Variants in TIGD5 observed in about 807,000 individuals in gnomAD.
TIGD5 encodes tigger transposable element-derived protein 5.
TIGD5 carries 24 observed loss-of-function variants against 28.8 expected under a neutral mutation model. That is an observed-to-expected ratio of 0.83 (90% CI 0.60 to 1.17). TIGD5 has a LOEUF of 1.17. Among genes scored for constraint, TIGD5 ranks in the 50% most tolerant of loss-of-function variants. The pLI is 0.00. For missense variants in TIGD5, 922 were observed against 911.4 expected (o/e 1.01, Z -0.15); for synonymous variants, 538 against 430.5 (o/e 1.25, Z -3.09).
chr8:143,598,066 GC>G lies in TIGD5; in HGVS notation c.165del (p.Tyr56ThrfsTer220). ...GGCCGTGAAGATGGCCTTCCGCAAG[GC>G]CTACTCCATCAAGGACAAGCTGCAG... ...RVAVKMAFRK[A>X]YSIKDKLQAI... is the part of the protein sequence containing the mutation. On this transcript the variant is annotated frameshift_variant, in exon 1 of 1. Coordinates refer to ENST00000504548, the MANE Select transcript of TIGD5 (RefSeq NM_032862.5). LOFTEE classifies it high-confidence loss of function. The surrounding 1 kb of genome is among the most constrained non-coding windows in gnomAD (Gnocchi z 6.6). 1 of 1,493,398 alleles carries G rather than the reference GC, an allele frequency of 6.7e-7. No homozygotes were observed. The allele number at this position is 1,493,398 out of a possible 1,614,324, so 92.5% of individuals were successfully genotyped here. A position where few individuals can be genotyped will look rare whatever the true frequency, so the allele number is the denominator to read the frequency against.
rs73379054 is a variant in TIGD5, at chr8:143,599,858, C to T, written c.*26C>T. Reference sequence around the variant, plus strand: ...CCAGGCCAGCCCAGTGACCTTTCTCCTGCTGCACTTGGAGGGAGGGGACAT... The same window carrying T: ...CCAGGCCAGCCCAGTGACCTTTCTCTTGCTGCACTTGGAGGGAGGGGACAT... On this transcript the variant is annotated 3_prime_UTR_variant, in exon 1 of 1. Coordinates refer to ENST00000504548, the MANE Select transcript of TIGD5 (RefSeq NM_032862.5). The T allele has an allele frequency of 5.0e-3, 7,230 of 1,447,476 alleles. 282 individuals carry two copies. In the African/African-American group the frequency reaches 0.089, roughly 18 times the overall value. The allele number at this position is 1,447,476 out of a possible 1,614,324, so 89.7% of individuals were successfully genotyped here.
rs1353762516 is a variant in TIGD5 at position 143,598,567 on chromosome 8, G to GCCCCGCCGC, written c.670_678dup (p.Pro224_Pro226dup). On this transcript the variant is annotated inframe_insertion, in exon 1 of 1. Coordinates refer to ENST00000504548, the MANE Select transcript of TIGD5 (RefSeq NM_032862.5). The surrounding 1 kb of genome is among the most constrained non-coding windows in gnomAD (Gnocchi z 6.6). ...CGGCCCCCTGCCCGACCGCGCCCCG[G>GCCCCGCCGC]CCCCGCCGCCCCCGGCCGAGGGCGG... 18 of 1,324,400 alleles carry GCCCCGCCGC rather than the reference G, an allele frequency of 1.4e-5. No homozygotes were observed. Among genetic ancestry groups the GCCCCGCCGC allele is most frequent in the Non-Finnish European group, 1.5e-5 (16 of 1,044,896 alleles). 82.0% of individuals were successfully genotyped at this position (1,324,400 alleles called of 1,614,324 possible). A position where few individuals can be genotyped will look rare whatever the true frequency, so the allele number is the denominator to read the frequency against.
chr8:143,601,558 C>A lies in TIGD5; in HGVS notation c.*1726C>A, dbSNP rs1185242056. ...TGCCAGTGAGGGCTGCATAGCCAGG[C>A]CTTGTCTGTAGTCTGGGCGGCCCGT... On this transcript the variant is annotated 3_prime_UTR_variant, in exon 1 of 1. Transcript: ENST00000504548. 1 of 152,328 alleles carries A rather than the reference C, an allele frequency of 6.6e-6. No individual in the cohort carries two copies. The highest frequency in any genetic ancestry group is 2.4e-5 in the African/African-American group (1 of 41,482). The allele number at this position is 152,328 out of a possible 1,614,324, so 9.4% of individuals were successfully genotyped here.
rs1245883980 is a variant in TIGD5 at position 143,598,310 on chromosome 8, G to T, written c.407G>T (p.Arg136Leu). The change falls in exon 1 of 1, where the codon CGC becomes CTC. Residue 136 changes from arginine to leucine, a missense_variant. By Grantham distance (102) the Arg-to-Leu change is moderately radical. Transcript: ENST00000504548. The surrounding 1 kb of genome is among the most constrained non-coding windows in gnomAD (Gnocchi z 6.6). ...GTGTACGCCTGGTTCCTGGCGCTGC[G>T]CCAGCACGGGGTGCCGCTGTCTGGC... The part of the protein sequence containing the change: ...RAVYAWFLAL[R>L]QHGVPLSGPL... 14 of 1,608,684 alleles carry T rather than the reference G, an allele frequency of 8.7e-6. No individual in the cohort carries two copies. Among genetic ancestry groups the T allele is most frequent in the Non-Finnish European group, 1.2e-5 (14 of 1,178,486 alleles).
Position 143,602,094 on chromosome 8 carries a change from TCA to T in TIGD5, c.*2263_*2264del. 4.4e-5 allele frequency: 1 copy of T among 22,864 alleles called. No homozygotes were observed. Among genetic ancestry groups the T allele is most frequent in the African/African-American group, 9.3e-5 (1 of 10,796 alleles). 1.4% of individuals were successfully genotyped at this position (22,864 alleles called of 1,614,324 possible). ...CTGCGCGACAGAGCGAGACTCTGTC[TCA>T]AAAAAAAAAAAAAAAAAGTGCAGGT... is the stretch of plus-strand genomic sequence containing the variant. On this transcript the variant is annotated 3_prime_UTR_variant, in exon 1 of 1. Transcript: ENST00000504548.
In TIGD5 at chr8:143,598,691, CG is replaced by C; in HGVS notation, c.794del (p.Gly265AlafsTer11). On this transcript the variant is annotated frameshift_variant, in exon 1 of 1. Transcript: ENST00000504548. LOFTEE classifies it high-confidence loss of function. The surrounding 1 kb of genome is among the most constrained non-coding windows in gnomAD (Gnocchi z 6.6). ...CCCCCGGGCGCAGGGGACCCCGGGG[CG>C]GGGGGCTGTGGCCGGCGCTGGCGGG... Reference protein sequence around the residue: ...AAPPGAGDPGAGGCGRRWRGD... With the variant: ...AAPPGAGDPGXGGCGRRWRGD... 2.7e-6 allele frequency: 4 copies of C among 1,500,500 alleles called. No homozygotes were observed. Among genetic ancestry groups the C allele is most frequent in the Admixed American group, 4.6e-5 (2 of 43,552 alleles). The allele number at this position is 1,500,500 out of a possible 1,614,324, so 92.9% of individuals were successfully genotyped here.
Position 143,598,608 on chromosome 8 carries a change from G to A in TIGD5, c.705G>A (p.Gln235=). 6.9e-7 allele frequency: 1 copy of A among 1,449,204 alleles called. No individual in the cohort carries two copies. 89.8% of individuals were successfully genotyped at this position (1,449,204 alleles called of 1,614,324 possible). A position where few individuals can be genotyped will look rare whatever the true frequency, so the allele number is the denominator to read the frequency against. The change falls in exon 1 of 1, where the codon CAG becomes CAA. Residue 235 remains glutamine (Q), a synonymous_variant. Transcript: ENST00000504548. The surrounding 1 kb of genome is among the most constrained non-coding windows in gnomAD (Gnocchi z 6.6). The stretch of plus-strand genomic sequence containing the variant: ...CCGAGGGCGGCTACGGGGACGAGCA[G>A]ATTTACAGCGCCAGCGTCACCGGCC... ...PPAEGGYGDE[Q]IYSASVTGLY... is the part of the protein sequence containing the mutation.
rs1296636002 is a variant in TIGD5 at position 143,599,396 on chromosome 8, C to T, written c.1493C>T (p.Ala498Val). The T allele has an allele frequency of 1.3e-6, 2 of 1,566,774 alleles. No homozygotes were observed. Among genetic ancestry groups the T allele is most frequent in the Non-Finnish European group, 8.6e-7 (1 of 1,156,834 alleles). ...RPGEDSAGQPAQAEEAAEHSR... is the reference protein window; with the variant it reads ...RPGEDSAGQPVQAEEAAEHSR... ...GGCGAGGACAGTGCTGGGCAGCCGG[C>T]CCAGGCCGAGGAAGCCGCCGAGCAC... Residue 498 changes from alanine to valine, a missense_variant, in exon 1 of 1, where the codon GCC becomes GTC. By Grantham distance (64) the Ala-to-Val change is moderately conservative (BLOSUM62 0). This residue lies in a region of TIGD5 where 821 missense variants were observed against 815.2 expected (regional missense o/e 1.01). Coordinates refer to ENST00000504548, the MANE Select transcript of TIGD5 (RefSeq NM_032862.5).
At position 143,598,783 on chromosome 8, in the gene TIGD5, A is replaced by G. The variant is rs1829168410; in HGVS notation, c.880A>G (p.Ile294Val). 6.3e-7 allele frequency: 1 copy of G among 1,597,460 alleles called. No homozygotes were observed. The highest frequency in any genetic ancestry group is 8.5e-7 in the Non-Finnish European group (1 of 1,178,330). Residue 294 changes from isoleucine (I) to valine (V), a missense_variant, in exon 1 of 1, where the codon ATC becomes GTC. This residue lies in a region of TIGD5 where 821 missense variants were observed against 815.2 expected (regional missense o/e 1.01). Transcript: ENST00000504548. This position sits in a 1 kb window ranked among gnomAD's most constrained non-coding sequence, Gnocchi z 6.6. Reference sequence around the variant, plus strand: ...CAGCCACAAGCTGAAGCCGCTGGTCATCGGGCGGCTGCCGGACCCGCCCAG... The same window carrying G: ...CAGCCACAAGCTGAAGCCGCTGGTCGTCGGGCGGCTGCCGGACCCGCCCAG... Reference protein sequence around the residue: ...TGSHKLKPLVIGRLPDPPSLR... With the variant: ...TGSHKLKPLVVGRLPDPPSLR...
At position 143,600,154 on chromosome 8, in the gene TIGD5, G is replaced by T. The variant is rs556491032; in HGVS notation, c.*322G>T. Reference sequence around the variant, plus strand: ...CTGGCCCCCGTGGGGCTGGGCCTCCGCCCCTGCACCAGTCACATGCACTGG... The same window carrying T: ...CTGGCCCCCGTGGGGCTGGGCCTCCTCCCCTGCACCAGTCACATGCACTGG... On this transcript the variant is annotated 3_prime_UTR_variant, in exon 1 of 1. Coordinates refer to ENST00000504548, the MANE Select transcript of TIGD5 (RefSeq NM_032862.5). The T allele has an allele frequency of 6.0e-6, 2 of 334,136 alleles. No homozygotes were observed. The highest frequency in any genetic ancestry group is 4.2e-5 in the African/African-American group (2 of 47,280). The allele number at this position is 334,136 out of a possible 1,614,324, so 20.7% of individuals were successfully genotyped here.
chr8:143,598,790 G>C lies in TIGD5; in HGVS notation c.887G>C (p.Arg296Pro). 6.3e-7 allele frequency: 1 copy of C among 1,598,402 alleles called. No homozygotes were observed. Among genetic ancestry groups the C allele is most frequent in the Non-Finnish European group, 8.5e-7 (1 of 1,178,724 alleles). Residue 296 changes from arginine (R) to proline (P), a missense_variant, in exon 1 of 1, where the codon CGG (arginine) becomes CCG (proline). Transcript: ENST00000504548. This position sits in a 1 kb window ranked among gnomAD's most constrained non-coding sequence, Gnocchi z 6.6. Reference sequence around the variant, plus strand: ...AAGCTGAAGCCGCTGGTCATCGGGCGGCTGCCGGACCCGCCCAGCCTGCGC... The same window carrying C: ...AAGCTGAAGCCGCTGGTCATCGGGCCGCTGCCGGACCCGCCCAGCCTGCGC... The part of the protein sequence containing the change: ...SHKLKPLVIG[R>P]LPDPPSLRHH...
In TIGD5 at chr8:143,599,626, G is replaced by C; in HGVS notation, c.1723G>C (p.Glu575Gln). Residue 575 changes from glutamate to glutamine, a missense_variant, in exon 1 of 1, where the codon GAG becomes CAG. Physicochemically the swap from Glu to Gln is conservative, Grantham distance 29. Around this residue, in one of 3 missense-constraint regions of TIGD5, gnomAD observed 821 missense variants for 815.2 expected, o/e 1.01. Transcript: ENST00000504548. Reference sequence around the variant, plus strand: ...TGCCATGGGGGGCGGAGAGGACGAGGAGGAGGCCACCGACTATGGAGGGAC... The same window carrying C: ...TGCCATGGGGGGCGGAGAGGACGAGCAGGAGGCCACCGACTATGGAGGGAC... The part of the protein sequence containing the change: ...PSAMGGGEDE[E>Q]EATDYGGTSV... 6.6e-7 allele frequency: 1 copy of C among 1,525,628 alleles called. No homozygotes were observed. The highest frequency in any genetic ancestry group is 8.8e-7 in the Non-Finnish European group (1 of 1,139,552). The allele number at this position is 1,525,628 out of a possible 1,614,324, so 94.5% of individuals were successfully genotyped here.
At position 143,599,533 on chromosome 8, in the gene TIGD5, G is replaced by A. The variant is rs765654684; in HGVS notation, c.1630G>A (p.Gly544Ser). Residue 544 changes from glycine to serine, a missense_variant, in exon 1 of 1, where the codon GGC becomes AGC. Gly to Ser is a moderately conservative substitution (Grantham distance 56, BLOSUM62 0). Transcript: ENST00000504548. Reference sequence around the variant, plus strand: ...GGACGATGATGGGGGTCCGCCCGAGGGCTGCAGGGAGGAGGTGGGCCCAGC... The same window carrying A: ...GGACGATGATGGGGGTCCGCCCGAGAGCTGCAGGGAGGAGGTGGGCCCAGC... ...HLDDDGGPPE[G>S]CREEVGPALP... The A allele has an allele frequency of 1.3e-6, 2 of 1,580,772 alleles. No homozygotes were observed. The highest frequency in any genetic ancestry group is 3.6e-5 in the Admixed American group (2 of 55,308).
chr8:143,599,451 G>A lies in TIGD5; in HGVS notation c.1548G>A (p.Leu516=). The change falls in exon 1 of 1, where the codon CTG becomes CTA. Residue 516 remains leucine, a synonymous_variant. Transcript: ENST00000504548. The part of the protein sequence containing the change: ...HSRVLSDLTH[L]AALAYKCLAP... ...GGGTGCTCAGCGACCTCACCCACCT[G>A]GCGGCTCTGGCCTACAAGTGCCTGG... is the stretch of plus-strand genomic sequence containing the variant. The A allele has an allele frequency of 6.3e-7, 1 of 1,582,722 alleles. No homozygotes were observed. Among genetic ancestry groups the A allele is most frequent in the Non-Finnish European group, 8.6e-7 (1 of 1,165,146 alleles).
rs1303232349 is a variant in TIGD5, at chr8:143,599,504, A to G, written c.1601A>G (p.His534Arg). ...CCGGAGGAGGTTGCGGAGTGGCTGCACCTGGACGATGATGGGGGTCCGCCC... is the reference window on the plus strand; with the variant it reads ...CCGGAGGAGGTTGCGGAGTGGCTGCGCCTGGACGATGATGGGGGTCCGCCC... ...LAPEEVAEWLHLDDDGGPPEG... is the reference protein window; with the variant it reads ...LAPEEVAEWLRLDDDGGPPEG... The change falls in exon 1 of 1, where the codon CAC becomes CGC. Residue 534 changes from histidine (H) to arginine (R), a missense_variant. His to Arg is a conservative substitution (Grantham distance 29). This residue lies in a region of TIGD5 where 821 missense variants were observed against 815.2 expected (regional missense o/e 1.01). Transcript: ENST00000504548. The G allele has an allele frequency of 4.4e-6, 7 of 1,591,310 alleles. No homozygotes were observed. The highest frequency in any genetic ancestry group is 2.3e-5 in the East Asian group (1 of 43,818).
chr8:143,598,606 C>G lies in TIGD5; in HGVS notation c.703C>G (p.Gln235Glu). The change falls in exon 1 of 1, where the codon CAG becomes GAG. Residue 235 changes from glutamine to glutamate, a missense_variant. Physicochemically the swap from Gln to Glu is conservative, Grantham distance 29 (BLOSUM62 2). Around this residue, in one of 3 missense-constraint regions of TIGD5, gnomAD observed 821 missense variants for 815.2 expected, o/e 1.01. Coordinates refer to ENST00000504548, the MANE Select transcript of TIGD5 (RefSeq NM_032862.5). This position sits in a 1 kb window ranked among gnomAD's most constrained non-coding sequence, Gnocchi z 6.6. ...GGCCGAGGGCGGCTACGGGGACGAGCAGATTTACAGCGCCAGCGTCACCGG... is the reference window on the plus strand; with the variant it reads ...GGCCGAGGGCGGCTACGGGGACGAGGAGATTTACAGCGCCAGCGTCACCGG... Reference protein sequence around the residue: ...PPAEGGYGDEQIYSASVTGLY... With the variant: ...PPAEGGYGDEEIYSASVTGLY... 1 of 1,425,186 alleles carries G rather than the reference C, an allele frequency of 7.0e-7. No individual in the cohort carries two copies. The highest frequency in any genetic ancestry group is 3.2e-5 in the Admixed American group (1 of 30,866). The allele number at this position is 1,425,186 out of a possible 1,614,324, so 88.3% of individuals were successfully genotyped here.
In TIGD5 at chr8:143,598,030, C is replaced by T. The variant is rs761659870; in HGVS notation, c.127C>T (p.Arg43Trp). 2 of 1,316,162 alleles carry T rather than the reference C, an allele frequency of 1.5e-6. No homozygotes were observed. The highest frequency in any genetic ancestry group is 9.7e-7 in the Non-Finnish European group (1 of 1,034,730). The allele number at this position is 1,316,162 out of a possible 1,614,324, so 81.5% of individuals were successfully genotyped here. A position where few individuals can be genotyped will look rare whatever the true frequency, so the allele number is the denominator to read the frequency against. ...ARPPPPAPGP[R>W]PRVAVKMAFR... ...GCCGCCGCCCCCCGCGCCCGGGCCG[C>T]GGCCCCGCGTGGCCGTGAAGATGGC... The change falls in exon 1 of 1, where the codon CGG becomes TGG. Residue 43 changes from arginine (R) to tryptophan (W), a missense_variant. Coordinates refer to ENST00000504548, the MANE Select transcript of TIGD5 (RefSeq NM_032862.5). The surrounding 1 kb of genome is among the most constrained non-coding windows in gnomAD (Gnocchi z 6.6).
chr8:143,598,776 G>C lies in TIGD5; in HGVS notation c.873G>C (p.Pro291=). 1 of 1,595,716 alleles carries C rather than the reference G, an allele frequency of 6.3e-7. No homozygotes were observed. The highest frequency in any genetic ancestry group is 8.5e-7 in the Non-Finnish European group (1 of 1,177,606). ...TGACCGGCAGCCACAAGCTGAAGCCGCTGGTCATCGGGCGGCTGCCGGACC... is the reference window on the plus strand; with the variant it reads ...TGACCGGCAGCCACAAGCTGAAGCCCCTGGTCATCGGGCGGCTGCCGGACC... ...ANLTGSHKLK[P]LVIGRLPDPP... is the part of the protein sequence containing the mutation. The change falls in exon 1 of 1, where the codon CCG becomes CCC. Residue 291 remains proline, a synonymous_variant. Transcript: ENST00000504548. The surrounding 1 kb of genome is among the most constrained non-coding windows in gnomAD (Gnocchi z 6.6).
In TIGD5 at chr8:143,599,788, G is replaced by C; in HGVS notation, c.1885G>C (p.Gly629Arg). 6.7e-7 allele frequency: 1 copy of C among 1,485,352 alleles called. No individual in the cohort carries two copies. Among genetic ancestry groups the C allele is most frequent in the Non-Finnish European group, 8.9e-7 (1 of 1,126,684 alleles). The allele number at this position is 1,485,352 out of a possible 1,614,324, so 92.0% of individuals were successfully genotyped here. A position where few individuals can be genotyped will look rare whatever the true frequency, so the allele number is the denominator to read the frequency against. Reference protein sequence around the residue: ...RSLISMARRLGGIGHTPAGPY... With the variant: ...RSLISMARRLRGIGHTPAGPY... ...ACTCATCAGCATGGCCCGGAGGCTG[G>C]GGGGCATCGGGCATACCCCAGCAGG... The change falls in exon 1 of 1, where the codon GGG (glycine) becomes CGG (arginine). Residue 629 changes from glycine to arginine, a missense_variant. Physicochemically the swap from Gly to Arg is moderately radical, Grantham distance 125. Around this residue, in one of 3 missense-constraint regions of TIGD5, gnomAD observed 821 missense variants for 815.2 expected, o/e 1.01. Transcript: ENST00000504548.
Sources: gnomAD v4.1 joint callset for allele counts on GRCh38, gnomAD v4.1.1 for gene constraint, gnomAD v4.1.1 regional missense constraint, Gnocchi (gnomAD v3.1) non-coding constraint, MANE v1.5 for transcripts, NCBI Gene and HGNC (gene_info 2026-07-23, HGNC 2026-07-21) for gene names.